MAGI2: variants seen among roughly 807,000 people sequenced by gnomAD.
MAGI2 encodes membrane-associated guanylate kinase, WW and PDZ domain-containing protein 2.
Under a neutral mutation model 133.3 loss-of-function variants are expected in MAGI2, and 35 were observed. The observed-to-expected ratio is 0.26, with a 90% CI of 0.20 to 0.35. The LOEUF (loss-of-function observed/expected upper bound fraction) is 0.35, where lower values mean the gene tolerates loss of function less well. Among genes scored for constraint, MAGI2 ranks in the 10% least tolerant of loss-of-function variants. The pLI is 1.00. For synonymous variants in MAGI2, 729 were observed against 710.6 expected (o/e 1.03, Z -0.41); for missense variants, 1,636 against 1,863.4 (o/e 0.88, Z 2.25).
chr7:79,259,082 G>T (rs1453150270), intron 1 of MAGI2, among the ~76,000 whole-genome samples: 1 of 152,206 alleles, frequency 6.6e-6, no homozygotes, highest in African/African-American at 2.4e-5. Context: ...TCTTTGGAAA[G>T]ATCACCAGAT....
At chr7:78,311,598 T>C (rs2151096500) in intron 9 of MAGI2, among the ~76,000 whole-genome samples, 1 of 152,332 alleles carries the variant, frequency 6.6e-6, no homozygotes, top group Non-Finnish European at 1.5e-5. Flanking sequence ...CTTTTAAAAT[T>C]AGAATGTCAT....
intron 2 of MAGI2, among the ~76,000 whole-genome samples, chr7:78,741,376 AACACACACACACACACACACACACAC>A (rs55784786): frequency 0.018 from 2,116 of 117,542 alleles, 72 homozygotes; most frequent in African/African-American, 0.067. Context: ...AAAAAGTTGA[AACACACACACACACACACACACACAC>A]ACACACACAC....
At chr7:78,160,397 T>C in intron 15 of MAGI2, 124 bp from the exon 16 acceptor site, 2 of 1,041,050 alleles carry the variant, frequency 1.9e-6, no homozygotes, top group South Asian at 3.0e-5. Context: ...TGCTTCTCTT[T>C]CTCCCAGATT....
chr7:78,361,123 T>A (rs1047754449), intron 7 of MAGI2, among the ~76,000 whole-genome samples: 3 of 152,258 alleles, frequency 2.0e-5, no homozygotes, highest in African/African-American at 4.8e-5. Context: ...GGGCCAGGCG[T>A]GGTGGCTCAC....
At position 78,185,633 on chromosome 7, in the gene MAGI2, G is replaced by C; in HGVS notation, c.2307C>G (p.Ser769=). ...VPPRTSFRMD[S]SGPDYKELDV... is the part of the protein sequence containing the mutation. ...TGAGTACTGAACAATACTTGCCAGA[G>C]GAATCCATTCGAAAACTGGTCCTGG... Residue 769 remains serine, a synonymous_variant, in exon 13 of 22, where the codon TCC becomes TCG. Transcript: ENST00000354212. 2 of 1,591,734 alleles carry C rather than the reference G, an allele frequency of 1.3e-6. No individual in the cohort carries two copies. The highest frequency in any genetic ancestry group is 1.7e-6 in the Non-Finnish European group (2 of 1,164,586).
chr7:79,167,942 G>T lies in MAGI2; in HGVS notation c.302-160736C>A, dbSNP rs983274550. On this transcript the variant is annotated intron_variant, in intron 1 of 21. Transcript: ENST00000354212. ...CCCGGCCTGCCCAGGGTGGTAAACC[G>T]CTTAAAGGCGTTCTTAAACCACAAA... Among the ~76,000 whole-genome samples the T allele has an allele frequency of 5.3e-5, 8 of 152,184 alleles. 2 individuals carry two copies. In the South Asian group the frequency reaches 1.0e-3, roughly 20 times the overall value.
chr7:78,590,350 A>T (rs1301343677), intron 3 of MAGI2, among the ~76,000 whole-genome samples: 1 of 152,088 alleles, frequency 6.6e-6, no homozygotes, highest in African/African-American at 2.4e-5. Context: ...CCTGGAGCTG[A>T]TCTCCAGTCT....
At chr7:78,070,174 C>CATATATATATATATATAT (rs57714371) in intron 21 of MAGI2, among the ~76,000 whole-genome samples, 3 of 56,658 alleles carry the variant, frequency 5.3e-5, no homozygotes, top group African/African-American at 1.4e-4. Context: ...CACACACACA[C>CATATATATATATATATAT]ATATATATAT....
At chr7:79,386,338 T>C (rs1037938511) in intron 1 of MAGI2, among the ~76,000 whole-genome samples, 1 of 152,032 alleles carries the variant, frequency 6.6e-6, no homozygotes, top group African/African-American at 2.4e-5. Context: ...GAATATTCCA[T>C]TCAGATTCAA....
At chr7:79,445,093 G>T (rs1342456360) in intron 1 of MAGI2, among the ~76,000 whole-genome samples, 2 of 152,120 alleles carry the variant, frequency 1.3e-5, no homozygotes, top group South Asian at 4.1e-4. Context: ...AAATGGTGCT[G>T]GGAAAACTGG....
chr7:78,138,640 C>T (rs866814240), intron 16 of MAGI2, among the ~76,000 whole-genome samples: 15,262 of 119,760 alleles, frequency 0.13, 929 homozygotes, highest in Middle Eastern at 0.23. Context: ...CACACACACA[C>T]ACACACACAC....
intron 2 of MAGI2, among the ~76,000 whole-genome samples, chr7:78,948,490 C>T (rs2151696611): frequency 6.6e-6 from 1 of 152,144 alleles, no homozygotes; most frequent in South Asian, 2.1e-4. Flanking sequence ...CTGGAACTGT[C>T]ACTGCTGGCT....
intron 9 of MAGI2, among the ~76,000 whole-genome samples, chr7:78,312,496 C>A (rs1380873269): frequency 1.3e-5 from 2 of 152,002 alleles, no homozygotes; most frequent in Non-Finnish European, 2.9e-5. Flanking sequence ...GGACTAATAT[C>A]CAGAATCTAC....
intron 1 of MAGI2, among the ~76,000 whole-genome samples, chr7:79,059,184 T>C (rs1398513853): frequency 6.6e-6 from 1 of 152,078 alleles, no homozygotes; most frequent in Non-Finnish European, 1.5e-5. Flanking sequence ...AGTTACACAC[T>C]CTCATAATAT....
chr7:78,584,972 C>T (rs1803247578), intron 3 of MAGI2, among the ~76,000 whole-genome samples: 1 of 152,102 alleles, frequency 6.6e-6, no homozygotes, highest in African/African-American at 2.4e-5. Flanking sequence ...CAGGTGAGGC[C>T]TAATCTGTGC....
intron 5 of MAGI2, among the ~76,000 whole-genome samples, chr7:78,490,209 A>T (rs1445978662): frequency 6.6e-6 from 1 of 152,066 alleles, no homozygotes; most frequent in Non-Finnish European, 1.5e-5. Flanking sequence ...TTGCAAAAGA[A>T]TTATTTTCAT....
chr7:78,676,442 A>G (rs1254361365), intron 2 of MAGI2, among the ~76,000 whole-genome samples: 4 of 152,150 alleles, frequency 2.6e-5, no homozygotes, highest in Non-Finnish European at 5.9e-5. Context: ...CACTCCAGGA[A>G]TTACTCTTTT....
chr7:78,874,986 C>T (rs1008338076), intron 2 of MAGI2, among the ~76,000 whole-genome samples: 7 of 152,016 alleles, frequency 4.6e-5, no homozygotes, highest in East Asian at 1.9e-4. Flanking sequence ...CCTTGAGAGA[C>T]TATAACTATA....
In MAGI2 at chr7:79,208,153, A is replaced by G. The variant is rs937310131; in HGVS notation, c.302-200947T>C. 5.1e-4 allele frequency among the ~76,000 whole-genome samples: 77 copies of G among 152,034 alleles called. 2 individuals carry two copies. The highest frequency in any genetic ancestry group is 1.8e-3 in the African/African-American group (74 of 41,348). ...ATAACTTTTTAAATAGGATCCCCAAAACACAGGCAACAAAGCAAAAACAGA... is the reference window on the plus strand; with the variant it reads ...ATAACTTTTTAAATAGGATCCCCAAGACACAGGCAACAAAGCAAAAACAGA... On this transcript the variant is annotated intron_variant, in intron 1 of 21. Coordinates refer to ENST00000354212, the MANE Select transcript of MAGI2 (RefSeq NM_012301.4).
Sources: gnomAD v4.1 joint callset for allele counts (sites outside exome capture counted in the v4.1 genomes callset) on GRCh38, gnomAD v4.1.1 for gene constraint, MANE v1.5 for transcripts, NCBI Gene and HGNC (gene_info 2026-07-23, HGNC 2026-07-21) for gene names.